The following HEPHL1 variants were observed in gnomAD, a reference collection of about 807,000 sequenced individuals.
The protein encoded by HEPHL1 is hephaestin like 1.
Under a neutral mutation model 122.0 loss-of-function variants are expected in HEPHL1, and 123 were observed. That is an observed-to-expected ratio of 1.01 (90% CI 0.87 to 1.17). HEPHL1 has a LOEUF of 1.17. Among genes scored for constraint, HEPHL1 ranks in the 50% most tolerant of loss-of-function variants. The pLI, the probability that HEPHL1 is intolerant of heterozygous loss-of-function variation, is 0.00. For synonymous variants in HEPHL1, 527 were observed against 508.9 expected (o/e 1.04, Z -0.48); for missense variants, 1,452 against 1,430.5 (o/e 1.01, Z -0.24).
chr11:94,084,004 A>G (rs1565357755), intron 10 of HEPHL1, among the ~76,000 whole-genome samples: 1 of 152,314 alleles, frequency 6.6e-6, no homozygotes. Flanking sequence ...CTATTTTGGC[A>G]ATGTGAAACT....
At position 94,037,173 on chromosome 11, in the gene HEPHL1, C is replaced by T. The variant is rs1345933514; in HGVS notation, c.171-8500C>T. Among the ~76,000 whole-genome samples, 22 of 152,326 alleles carry T rather than the reference C, an allele frequency of 1.4e-4. No individual in the cohort carries two copies. The East Asian group carries it at 1.5e-3, about 11-fold the overall frequency. On this transcript the variant is annotated intron_variant, in intron 1 of 19. Coordinates refer to ENST00000315765, the MANE Select transcript of HEPHL1 (RefSeq NM_001098672.2). ...GCGCTTTTCAGACCGGCTTAAAAAA[C>T]GGCGCACCACGAGATTATATCCCGC...
rs542160860 is a variant in HEPHL1 at position 94,064,322 on chromosome 11, G to A, written c.629-9G>A. On this transcript the variant is annotated splice_polypyrimidine_tract_variant and intron_variant, in intron 3 of 19. Transcript: ENST00000315765. ...TCTTTCTCTCTACTCTTTTGAATGT[G>A]CCTGACAGGTATCCTGAATAGATAT... 22 of 1,602,188 alleles carry A rather than the reference G, an allele frequency of 1.4e-5. No homozygotes were observed. The highest frequency in any genetic ancestry group is 1.9e-5 in the Non-Finnish European group (22 of 1,171,628).
At chr11:94,111,487 G>C (rs779421673) in intron 18 of HEPHL1, 50 bp from the exon 19 acceptor site, 4 of 1,395,310 alleles carry the variant, frequency 2.9e-6, no homozygotes, top group Non-Finnish European at 3.0e-6. Context: ...GTCATGAAAA[G>C]AATCCCCTTC....
At chr11:94,099,070 T>C (rs1946345343) in intron 13 of HEPHL1, among the ~76,000 whole-genome samples, 1 of 152,202 alleles carries the variant, frequency 6.6e-6, no homozygotes, top group Non-Finnish European at 1.5e-5. Flanking sequence ...CTGCGTTCCT[T>C]TGGTGGGGGA....
At chr11:94,075,948 G>C (rs1320837869) in intron 9 of HEPHL1, among the ~76,000 whole-genome samples, 1 of 152,134 alleles carries the variant, frequency 6.6e-6, no homozygotes, top group African/African-American at 2.4e-5. Flanking sequence ...GATTAGTGTA[G>C]CGAAGCATAG....
chr11:94,024,603 T>TTA (rs2134400777), intron 1 of HEPHL1, among the ~76,000 whole-genome samples: 1 of 152,300 alleles, frequency 6.6e-6, no homozygotes, highest in Non-Finnish European at 1.5e-5. Context: ...CCTTTAAGAA[T>TTA]TATCTCCAAT....
chr11:94,026,321 A>T (rs1262277981), intron 1 of HEPHL1, among the ~76,000 whole-genome samples: 2 of 152,238 alleles, frequency 1.3e-5, no homozygotes, highest in Non-Finnish European at 2.9e-5. Context: ...GGATACTCAT[A>T]GCCACAAAGA....
chr11:94,095,117 T>C (rs1487911770), intron 13 of HEPHL1, among the ~76,000 whole-genome samples: 2 of 152,262 alleles, frequency 1.3e-5, no homozygotes, highest in Non-Finnish European at 2.9e-5. Flanking sequence ...TCTAGGGTTT[T>C]TATGGTTTTA....
At chr11:94,079,935 G>T (rs1378494691) in intron 9 of HEPHL1, among the ~76,000 whole-genome samples, 1 of 152,090 alleles carries the variant, frequency 6.6e-6, no homozygotes, top group Non-Finnish European at 1.5e-5. Flanking sequence ...CACAGAATTA[G>T]AAACAACAAC....
intron 6 of HEPHL1, among the ~76,000 whole-genome samples, chr11:94,071,704 TAA>T (rs1174789576): frequency 6.6e-6 from 1 of 152,104 alleles, no homozygotes; most frequent in East Asian, 1.9e-4. Context: ...AAGTTACAAA[TAA>T]AAGTGAGGTG....
In HEPHL1 at chr11:94,086,179, A is replaced by C; in HGVS notation, c.2070A>C (p.Pro690=). The change falls in exon 11 of 20, where the codon CCA becomes CCC. Residue 690 remains proline (P), a synonymous_variant. Transcript: ENST00000315765. ...PHMATTAFMQ[P]DHAGIFRVFC... Reference sequence around the variant, plus strand: ...TGGCCACAACAGCATTCATGCAGCCAGACCATGCAGGTAAACTTGCTGGGT... The same window carrying C: ...TGGCCACAACAGCATTCATGCAGCCCGACCATGCAGGTAAACTTGCTGGGT... 1 of 1,609,750 alleles carries C rather than the reference A, an allele frequency of 6.2e-7. No homozygotes were observed. Among genetic ancestry groups the C allele is most frequent in the Non-Finnish European group, 8.5e-7 (1 of 1,178,306 alleles).
chr11:94,108,609 C>CAT (rs1385434402), intron 17 of HEPHL1, among the ~76,000 whole-genome samples: 1 of 150,842 alleles, frequency 6.6e-6, no homozygotes, highest in Admixed American at 6.6e-5. Flanking sequence ...ATTTTTTTTT[C>CAT]ATATATATGT....
At chr11:94,058,387 C>G (rs9919573) in intron 2 of HEPHL1, among the ~76,000 whole-genome samples, 19 of 152,248 alleles carry the variant, frequency 1.2e-4, no homozygotes, top group African/African-American at 4.6e-4. Flanking sequence ...TTTGCTACAG[C>G]TGTAAGCTTA....
chr11:94,069,677 A>G lies in HEPHL1; in HGVS notation c.1064-697A>G, dbSNP rs537160510. Among the ~76,000 whole-genome samples, 119 of 152,272 alleles carry G rather than the reference A, an allele frequency of 7.8e-4. 2 individuals carry two copies. The South Asian group carries it at 0.023, about 30-fold the overall frequency. On this transcript the variant is annotated intron_variant, in intron 5 of 19. Transcript: ENST00000315765. ...TTCCAGTGTCCATTATAAGGAGATT[A>G]CATCTTGCTTAATCAATACTCTATT...
rs1019775484 is a variant in HEPHL1 at position 94,066,761 on chromosome 11, C to T, written c.809-735C>T. Among the ~76,000 whole-genome samples, 530 of 152,220 alleles carry T rather than the reference C, an allele frequency of 3.5e-3. 15 individuals are homozygous for T. Among genetic ancestry groups the T allele is most frequent in the Non-Finnish European group, 2.2e-4 (15 of 68,004 alleles). ...AGCAACAATTGCTTTTAACTCAGTT[C>T]GAACTTAAGAAGGGATATTGTGACT... On this transcript the variant is annotated intron_variant, in intron 4 of 19. Transcript: ENST00000315765.
intron 2 of HEPHL1, among the ~76,000 whole-genome samples, chr11:94,054,150 A>G (rs911802258): frequency 1.3e-5 from 2 of 152,306 alleles, no homozygotes; most frequent in Non-Finnish European, 2.9e-5. Flanking sequence ...ATCTATTTTC[A>G]AAGCACAGGC....
intron 12 of HEPHL1, among the ~76,000 whole-genome samples, chr11:94,089,999 A>G (rs908955704): frequency 2.6e-5 from 4 of 151,828 alleles, no homozygotes; most frequent in African/African-American, 9.7e-5. Flanking sequence ...CAAACACGAC[A>G]TGCTACTGTT....
In HEPHL1 at chr11:94,088,640, T is replaced by A. The variant is rs1591483407; in HGVS notation, c.2081-115T>A. On this transcript the variant is annotated intron_variant, in intron 11 of 19. Transcript: ENST00000315765. ...TTAAACTACTAGACAACTGGTATTT[T>A]AAAAATCCACCTAACTGGTTATTTT... 3.8e-6 allele frequency: 3 copies of A among 796,910 alleles called. No homozygotes were observed. In the East Asian group the frequency reaches 8.0e-5, roughly 21 times the overall value. 49.4% of individuals were successfully genotyped at this position (796,910 alleles called of 1,614,324 possible). A position where few individuals can be genotyped will look rare whatever the true frequency, so the allele number is the denominator to read the frequency against.
Position 94,102,657 on chromosome 11 carries a change from C to G in HEPHL1, c.2576-257C>G, listed in dbSNP as rs1946377099. Among the ~76,000 whole-genome samples, 3 of 152,086 alleles carry G rather than the reference C, an allele frequency of 2.0e-5. No individual in the cohort carries two copies. In the South Asian group the frequency reaches 6.2e-4, roughly 32 times the overall value. ...AGTGAGGTATAAAATGTTTTTATTT[C>G]CTGAATACACACCAGTTGACAATAG... On this transcript the variant is annotated intron_variant, in intron 14 of 19. Coordinates refer to ENST00000315765, the MANE Select transcript of HEPHL1 (RefSeq NM_001098672.2).
Sources: allele counts gnomAD v4.1 joint callset (sites outside exome capture counted in the v4.1 genomes callset), GRCh38; gene constraint gnomAD v4.1.1; transcripts MANE v1.5; gene names NCBI Gene and HGNC (gene_info 2026-07-23, HGNC 2026-07-21).